The following SRGAP3 variants were observed in gnomAD, a reference collection of about 807,000 sequenced individuals.
SRGAP3 encodes SLIT-ROBO Rho GTPase-activating protein 3.
Under a neutral mutation model 121.1 loss-of-function variants are expected in SRGAP3, and 39 were observed. That is an observed-to-expected ratio of 0.32 (90% CI 0.25 to 0.42). The LOEUF (loss-of-function observed/expected upper bound fraction) is 0.42, where lower values mean the gene tolerates loss of function less well. Among genes scored for constraint, SRGAP3 ranks in the 10% least tolerant of loss-of-function variants. The pLI, the probability that SRGAP3 is intolerant of heterozygous loss-of-function variation, is 1.00. For synonymous variants in SRGAP3, 601 were observed against 570.0 expected, an observed-to-expected ratio of 1.05 and a Z score of -0.77; for missense variants, 1,213 against 1,470.6, an observed-to-expected ratio of 0.82 and a Z score of 2.86.
intron 3 of SRGAP3, among the ~76,000 whole-genome samples, chr3:9,271,554 G>T (rs1171931174): frequency 6.6e-6 from 1 of 152,148 alleles, no homozygotes; most frequent in African/African-American, 2.4e-5. Context: ...GGGATTGGCT[G>T]AGGCCTCTTC....
At chr3:9,303,976 C>T (rs188900593) in intron 3 of SRGAP3, among the ~76,000 whole-genome samples, 13 of 152,164 alleles carry the variant, frequency 8.5e-5, no homozygotes, top group East Asian at 7.7e-4. Flanking sequence ...GAGTGTACAA[C>T]GGGGGAAATC....
intron 1 of SRGAP3, among the ~76,000 whole-genome samples, chr3:9,147,638 G>A (rs1385468569): frequency 2.6e-5 from 4 of 152,140 alleles, no homozygotes; most frequent in Admixed American, 6.5e-5. Flanking sequence ...AAGATTCCAG[G>A]CAGAATGATT....
chr3:9,202,251 G>A lies in SRGAP3; in HGVS notation c.67+46634C>T, dbSNP rs560453736. On this transcript the variant is annotated intron_variant, in intron 1 of 21. Transcript: ENST00000383836. ...AATTAGCTCGCCCTTGAGGCAGTTG[G>A]ACTGGGGACTCTGGAGACTCTTCCT... Among the ~76,000 whole-genome samples, 3 of 152,348 alleles carry A rather than the reference G, an allele frequency of 2.0e-5. No homozygotes were observed. In the South Asian group the frequency reaches 6.2e-4, roughly 32 times the overall value.
At chr3:9,045,672 A>T (rs555433723) in intron 10 of SRGAP3, among the ~76,000 whole-genome samples, 1 of 152,282 alleles carries the variant, frequency 6.6e-6, no homozygotes, top group East Asian at 1.9e-4. Context: ...GGGCCTCTTT[A>T]TTCATCAAAG....
At chr3:9,360,745 G>A (rs2030753404) in intron 1 of SRGAP3, among the ~76,000 whole-genome samples, 1 of 152,186 alleles carries the variant, frequency 6.6e-6, no homozygotes, top group Non-Finnish European at 1.5e-5. Flanking sequence ...CACAAGAACA[G>A]TATGCAGGGA....
intron 3 of SRGAP3, among the ~76,000 whole-genome samples, chr3:9,085,678 G>A (rs571363924): frequency 6.6e-6 from 1 of 152,288 alleles, no homozygotes; most frequent in African/African-American, 2.4e-5. Flanking sequence ...AATGAAGCTG[G>A]AAGCCATTAT....
chr3:9,125,986 C>T (rs1575112144), intron 1 of SRGAP3, among the ~76,000 whole-genome samples: 1 of 152,218 alleles, frequency 6.6e-6, no homozygotes, highest in East Asian at 1.9e-4. Context: ...ATCTCACCTG[C>T]CTAAATGTGT....
intron 1 of SRGAP3, among the ~76,000 whole-genome samples, chr3:9,183,154 C>T (rs1248717467): frequency 3.3e-5 from 5 of 152,146 alleles, no homozygotes; most frequent in Non-Finnish European, 5.9e-5. Context: ...GGAGGAGGCC[C>T]AGGAAGGGAC....
chr3:9,343,037 C>T (rs890166758), intron 1 of SRGAP3, among the ~76,000 whole-genome samples: 4 of 152,206 alleles, frequency 2.6e-5, no homozygotes, highest in African/African-American at 4.8e-5. Flanking sequence ...CCCTGGCATC[C>T]CCTGCTCAGC....
chr3:9,124,694 C>G (rs1949152189), intron 2 of SRGAP3, 31 bp downstream of exon 2: 1 of 1,613,284 alleles, frequency 6.2e-7, no homozygotes, highest in Non-Finnish European at 8.5e-7. Flanking sequence ...TGCTGCCTCC[C>G]ATCTCTGTGC....
intron 3 of SRGAP3, among the ~76,000 whole-genome samples, chr3:9,297,859 G>A (rs945281875): frequency 5.9e-5 from 9 of 151,648 alleles, no homozygotes; most frequent in Non-Finnish European, 1.5e-5. Flanking sequence ...TGGCACTACT[G>A]CACTCTAGCC....
At chr3:9,290,323 C>G (rs180875434) in intron 3 of SRGAP3, among the ~76,000 whole-genome samples, 1 of 152,170 alleles carries the variant, frequency 6.6e-6, no homozygotes, top group South Asian at 2.1e-4. Flanking sequence ...TTCTGCCATA[C>G]TGCAAGAAAT....
intron 1 of SRGAP3, among the ~76,000 whole-genome samples, chr3:9,141,553 G>GGTGTGTGTGTGTGT (rs3067669): frequency 1.5e-4 from 21 of 138,460 alleles, no homozygotes; most frequent in East Asian, 2.1e-4. Flanking sequence ...TGACTTCAGG[G>GGTGTGTGTGTGTGT]GTGTGTGTGT....
chr3:9,326,719 A>G (rs1418618678), intron 2 of SRGAP3, among the ~76,000 whole-genome samples: 3 of 151,818 alleles, frequency 2.0e-5, no homozygotes, highest in Admixed American at 1.3e-4. Context: ...TATTTAAACA[A>G]TTTTAGTATT....
At chr3:9,038,938 T>A (rs1033792956) in intron 10 of SRGAP3, among the ~76,000 whole-genome samples, 1 of 152,110 alleles carries the variant, frequency 6.6e-6, no homozygotes, top group Non-Finnish European at 1.5e-5. Context: ...TCCAGCTACA[T>A]CCTCATTTCT....
rs115981504 is a variant in SRGAP3 at position 9,163,130 on chromosome 3, C to T, written c.68-38213G>A. On this transcript the variant is annotated intron_variant, in intron 1 of 21. Transcript: ENST00000383836. ...TCAGTGTTCAATAAACATGAACAAT[C>T]GCTGTTAACATCATCTGGCCCAGGC... Among the ~76,000 whole-genome samples, 357 of 152,330 alleles carry T rather than the reference C, an allele frequency of 2.3e-3. 3 individuals are homozygous for T. The highest frequency in any genetic ancestry group is 8.0e-3 in the African/African-American group (334 of 41,572).
intron 7 of SRGAP3, 68 bp from the exon 8 acceptor site, chr3:9,056,402 G>A: frequency 6.6e-7 from 1 of 1,513,228 alleles, no homozygotes; most frequent in Non-Finnish European, 9.1e-7. Context: ...GCTAGGGCAG[G>A]GGCTACCATT....
At chr3:9,153,330 G>A (rs1950276572) in intron 1 of SRGAP3, among the ~76,000 whole-genome samples, 1 of 152,102 alleles carries the variant, frequency 6.6e-6, no homozygotes, top group Admixed American at 6.5e-5. Flanking sequence ...ATTTTACAAG[G>A]ATCATTTAAT....
intron 19 of SRGAP3, chr3:8,994,106 G>C (rs574881747): frequency 3.6e-6 from 2 of 556,624 alleles, no homozygotes; most frequent in South Asian, 3.8e-5. Flanking sequence ...GCATCAGGAT[G>C]TAGGCCAGAG....
Sources: gnomAD v4.1 joint callset for allele counts (sites outside exome capture counted in the v4.1 genomes callset) on GRCh38, gnomAD v4.1.1 for gene constraint, MANE v1.5 for transcripts, NCBI Gene and HGNC (gene_info 2026-07-23, HGNC 2026-07-21) for gene names.